LCORL: variants seen among roughly 807,000 people sequenced by gnomAD.
The protein encoded by LCORL is ligand-dependent nuclear receptor corepressor-like protein.
LCORL carries 41 observed loss-of-function variants against 141.8 expected under a neutral mutation model. The observed-to-expected ratio is 0.29, with a 90% CI of 0.23 to 0.38. LCORL has a LOEUF of 0.38. Ranked by LOEUF, LCORL falls within the 10% of genes least tolerant of loss-of-function variation. The probability of loss-of-function intolerance (pLI) is 1.00; values close to 1 mark genes in which losing one functional copy is unlikely to be tolerated. For missense variants in LCORL, 1,759 were observed against 2,035.0 expected (o/e 0.86, Z 2.61); for synonymous variants, 618 against 694.1 (o/e 0.89, Z 1.72).
chr4:17,887,012 A>G (rs1003274790), intron 5 of LCORL, among the ~76,000 whole-genome samples: 3 of 152,096 alleles, frequency 2.0e-5, no homozygotes, highest in Non-Finnish European at 4.4e-5. Context: ...TGAAAAATAC[A>G]TGTTTAAAAA....
intron 4 of LCORL, among the ~76,000 whole-genome samples, chr4:17,929,227 AC>A (rs1441415675): frequency 1.3e-5 from 2 of 152,220 alleles, no homozygotes; most frequent in Non-Finnish European, 2.9e-5. Context: ...AACAGGTTCA[AC>A]AGAATCCCTA....
Position 17,884,110 on chromosome 4 carries a change from T to G in LCORL, c.776+1958A>C. Reference sequence around the variant, plus strand: ...CATGTAGAAAGTAAGAGTCAACACTTGAGTGAGTTACAGGCCCAGAACATT... The same window carrying G: ...CATGTAGAAAGTAAGAGTCAACACTGGAGTGAGTTACAGGCCCAGAACATT... On this transcript the variant is annotated intron_variant, in intron 6 of 7. Transcript: ENST00000635767. The surrounding 1 kb of genome is among the most constrained non-coding windows in gnomAD (Gnocchi z 4.4). The G allele has an allele frequency of 1.9e-6, 3 of 1,550,730 alleles. No homozygotes were observed. Among genetic ancestry groups the G allele is most frequent in the Admixed American group, 2.0e-5 (1 of 50,894 alleles).
intron 1 of LCORL, among the ~76,000 whole-genome samples, chr4:18,002,602 T>C (rs1722153891): frequency 6.6e-6 from 1 of 152,168 alleles, no homozygotes; most frequent in Non-Finnish European, 1.5e-5. Context: ...GATGAGAACA[T>C]GGAATGAATT....
intron 1 of LCORL, among the ~76,000 whole-genome samples, chr4:17,985,230 G>A (rs1317411736): frequency 1.3e-5 from 2 of 152,054 alleles, no homozygotes; most frequent in East Asian, 3.8e-4. Flanking sequence ...GTGGTGATGA[G>A]AAGTAAGTAT....
intron 6 of LCORL, chr4:17,880,626 T>C (rs1383445314): frequency 1.0e-6 from 1 of 983,266 alleles, no homozygotes; most frequent in Non-Finnish European, 1.2e-6. Context: ...CTTTTTTTCT[T>C]TTACTGAATG....
At chr4:18,014,999 T>C (rs143534118) in intron 1 of LCORL, among the ~76,000 whole-genome samples, 1 of 152,122 alleles carries the variant, frequency 6.6e-6, no homozygotes, top group Admixed American at 6.6e-5. Flanking sequence ...AAGGAAGGAA[T>C]ACTACTAAAA....
intron 1 of LCORL, among the ~76,000 whole-genome samples, chr4:17,979,680 C>T (rs767253397): frequency 5.9e-5 from 9 of 152,312 alleles, no homozygotes; most frequent in Non-Finnish European, 1.3e-4. Context: ...TCAGTACTTA[C>T]TGGCTTTTGC....
chr4:17,869,837 G>C (rs888728711), intron 7 of LCORL, among the ~76,000 whole-genome samples: 2 of 152,082 alleles, frequency 1.3e-5, no homozygotes, highest in Non-Finnish European at 2.9e-5. Context: ...CATCTAAAGA[G>C]CATTCTATCT....
rs187044495 is a variant in LCORL at position 17,857,880 on chromosome 4, G to C, written c.5603-11979C>G. ...AGATATTTCTCAATAAGTTAACAGTGTCCCAGAACAGAGCCCAAGAACATT... is the reference window on the plus strand; with the variant it reads ...AGATATTTCTCAATAAGTTAACAGTCTCCCAGAACAGAGCCCAAGAACATT... On this transcript the variant is annotated intron_variant, in intron 7 of 7. Coordinates refer to ENST00000635767, the Ensembl canonical transcript of LCORL. Among the ~76,000 whole-genome samples the C allele has an allele frequency of 2.0e-3, 311 of 152,300 alleles. 3 individuals carry two copies. The highest frequency in any genetic ancestry group is 6.3e-3 in the African/African-American group (261 of 41,554).
chr4:17,946,109 T>C (rs1235201228), intron 4 of LCORL, among the ~76,000 whole-genome samples: 6 of 151,922 alleles, frequency 3.9e-5, no homozygotes, highest in Non-Finnish European at 7.4e-5. Context: ...AAACATCAGT[T>C]CTCATAACAA....
At chr4:18,006,138 A>G (rs112743014) in intron 1 of LCORL, among the ~76,000 whole-genome samples, 1 of 152,074 alleles carries the variant, frequency 6.6e-6, no homozygotes, top group Admixed American at 6.5e-5. Flanking sequence ...AGATACCCTA[A>G]ATCATCTCTG....
chr4:17,946,177 A>G (rs1454375238), intron 4 of LCORL, among the ~76,000 whole-genome samples: 1 of 152,046 alleles, frequency 6.6e-6, no homozygotes, highest in African/African-American at 2.4e-5. Context: ...AAACGTTAAG[A>G]TATCTAAACA....
intron 1 of LCORL, among the ~76,000 whole-genome samples, chr4:17,999,652 T>C (rs1721598702): frequency 6.6e-6 from 1 of 152,158 alleles, no homozygotes; most frequent in Non-Finnish European, 1.5e-5. Flanking sequence ...AAAAGCACAA[T>C]AAACTATAAA....
intron 7 of LCORL, among the ~76,000 whole-genome samples, chr4:17,870,230 C>T (rs530192911): frequency 6.6e-6 from 1 of 152,132 alleles, no homozygotes; most frequent in Non-Finnish European, 1.5e-5. Context: ...CTCGACCTCC[C>T]AGGTTCAAGC....
At chr4:17,916,423 A>G (rs1186947635) in intron 4 of LCORL, among the ~76,000 whole-genome samples, 5 of 152,118 alleles carry the variant, frequency 3.3e-5, no homozygotes, top group African/African-American at 4.8e-5. Context: ...CCCCTTGCTG[A>G]TAAGTGAGTT....
intron 5 of LCORL, among the ~76,000 whole-genome samples, chr4:17,891,178 A>C (rs1311704816): frequency 6.6e-6 from 1 of 152,192 alleles, no homozygotes; most frequent in Non-Finnish European, 1.5e-5. Context: ...TAACTCATCC[A>C]GTTCTCACAA....
At position 18,021,566 on chromosome 4, in the gene LCORL, G is replaced by A. The variant is rs537121629; in HGVS notation, c.154+32C>T. The A allele has an allele frequency of 2.7e-6, 4 of 1,501,954 alleles. No homozygotes were observed. Among genetic ancestry groups the A allele is most frequent in the Admixed American group, 2.3e-5 (1 of 43,266 alleles). The allele number at this position is 1,501,954 out of a possible 1,614,324, so 93.0% of individuals were successfully genotyped here. ...GGGCTGCGACAGCGGTCGCCGCGCG[G>A]AGCCCGGGGCCCCGGCCCGCGTCTC... On this transcript the variant is annotated intron_variant, in intron 1 of 7. Transcript: ENST00000635767. This position sits in a 1 kb window ranked among gnomAD's most constrained non-coding sequence, Gnocchi z 5.5.
intron 4 of LCORL, among the ~76,000 whole-genome samples, chr4:17,952,371 A>G (rs1711536435): frequency 6.6e-6 from 1 of 152,024 alleles, no homozygotes; most frequent in African/African-American, 2.4e-5. Flanking sequence ...AACAAATTAT[A>G]TAAAGATAAA....
intron 1 of LCORL, among the ~76,000 whole-genome samples, chr4:17,997,190 G>A (rs769419891): frequency 6.6e-6 from 1 of 152,090 alleles, no homozygotes; most frequent in African/African-American, 2.4e-5. Context: ...TTGTTCATAC[G>A]TAACATACGA....
Sources: gnomAD v4.1 joint callset for allele counts (sites outside exome capture counted in the v4.1 genomes callset) on GRCh38, gnomAD v4.1.1 for gene constraint, Gnocchi (gnomAD v3.1) non-coding constraint, MANE v1.5 for transcripts, NCBI Gene and HGNC (gene_info 2026-07-23, HGNC 2026-07-21) for gene names.